TF: variants seen among roughly 807,000 people sequenced by gnomAD.
TF encodes the protein transferrin.
In TF, 55 loss-of-function variants were observed where a neutral mutation model predicts 82.4. The observed-to-expected ratio is 0.67, with a 90% CI of 0.54 to 0.84. The LOEUF (loss-of-function observed/expected upper bound fraction) is 0.84, where lower values mean the gene tolerates loss of function less well. Among genes scored for constraint, TF ranks in the 40% least tolerant of loss-of-function variants. TF has a pLI of 0.00. For missense variants in TF, 737 were observed against 868.4 expected (o/e 0.85, Z 1.90); for synonymous variants, 332 against 332.6 (o/e 1.00, Z 0.02).
chr3:133,677,557 A>T, the TF span, among the ~76,000 whole-genome samples: 4 of 152,150 alleles, frequency 2.6e-5, no homozygotes, highest in African/African-American at 9.7e-5. Context: ...GAATCGCTTG[A>T]ACCCGGGAGG....
At chr3:133,748,126 G>A (rs41298287) in intron 1 of TF, 65 of 484,172 alleles carry the variant, frequency 1.3e-4, no homozygotes, top group Admixed American at 3.3e-4. Flanking sequence ...GAGACAAGGC[G>A]GATACAGAGG....
intron 11 of TF, 64 bp downstream of exon 11, chr3:133,764,971 T>G: frequency 7.0e-6 from 11 of 1,561,464 alleles, no homozygotes; most frequent in African/African-American, 1.4e-5. Flanking sequence ...GGGAATTGGT[T>G]AGATTTAAAA....
rs1357490932 is a variant in TF, at chr3:133,796,236, G to A, written c.*17616G>A. The A allele has an allele frequency of 3.3e-5, 5 of 152,958 alleles. No individual in the cohort carries two copies. The highest frequency in any genetic ancestry group is 1.2e-4 in the African/African-American group (5 of 41,432). The allele number at this position is 152,958 out of a possible 1,614,324, so 9.5% of individuals were successfully genotyped here. ...AGCTACCCTGCCTTCACTAGAAAGA[G>A]CAGAGCAGGACTTCTGTGATCCTCA... On this transcript the variant is annotated 3_prime_UTR_variant, in exon 17 of 17. Coordinates refer to ENST00000402696, the MANE Select transcript of TF (RefSeq NM_001063.4).
At position 133,756,857 on chromosome 3, in the gene TF, G is replaced by T. The variant is rs752118917; in HGVS notation, c.718G>T (p.Asp240Tyr). ...GAACTTGGCAAACAAGGCTGACAGG[G>T]ACCAGTATGAGCTGCTTTGCCTGGA... The part of the protein sequence containing the change: ...FENLANKADR[D>Y]QYELLCLDNT... The change falls in exon 7 of 17, where the codon GAC (aspartate) becomes TAC (tyrosine). Residue 240 changes from aspartate to tyrosine, a missense_variant. By Grantham distance (160) the Asp-to-Tyr change is radical. Transcript: ENST00000402696. 6.2e-7 allele frequency: 1 copy of T among 1,614,184 alleles called. No homozygotes were observed. Among genetic ancestry groups the T allele is most frequent in the East Asian group, 2.2e-5 (1 of 44,886 alleles).
At chr3:133,760,754 T>TG in intron 9 of TF, 1 of 162,104 alleles carries the variant, frequency 6.2e-6, no homozygotes, top group Middle Eastern at 1.8e-3. Flanking sequence ...TTACAGATGT[T>TG]GGGGCAGAAA....
At chr3:133,678,639 G>A in the TF span, among the ~76,000 whole-genome samples, 1 of 152,100 alleles carries the variant, frequency 6.6e-6, no homozygotes, top group Non-Finnish European at 1.5e-5. Flanking sequence ...TCTTAAGTTT[G>A]TTGGCCGCAT....
Position 133,782,771 on chromosome 3 carries a change from C to T in TF, c.*4151C>T, listed in dbSNP as rs1420049388. ...AGGAGTTTGAGACCAGCCTAGGCAA[C>T]ATGACAAAACCCCATCTCTGCAAAA... On this transcript the variant is annotated 3_prime_UTR_variant, in exon 17 of 17. Transcript: ENST00000402696. 1.9e-4 allele frequency: 20 copies of T among 103,126 alleles called. No individual in the cohort carries two copies. Among genetic ancestry groups the T allele is most frequent in the African/African-American group, 7.9e-4 (20 of 25,292 alleles). 6.4% of individuals were successfully genotyped at this position (103,126 alleles called of 1,614,324 possible).
chr3:133,708,893 T>C, the TF span, among the ~76,000 whole-genome samples: 1 of 151,960 alleles, frequency 6.6e-6, no homozygotes, highest in African/African-American at 2.4e-5. Context: ...AATGAAGCAC[T>C]ATTTTAAGCA....
intron 13 of TF, among the ~76,000 whole-genome samples, chr3:133,770,147 C>T (rs1934224310): frequency 6.6e-6 from 1 of 152,184 alleles, no homozygotes; most frequent in Non-Finnish European, 1.5e-5. Context: ...GTTGCCTAGA[C>T]ATTCGCCTTG....
At chr3:133,748,691 C>A in intron 2 of TF, 107 bp downstream of exon 2, 1 of 1,385,736 alleles carries the variant, frequency 7.2e-7, no homozygotes. Context: ...ATATATGGGG[C>A]AGTCAACCTT....
At chr3:133,748,084 TG>T (rs1467009864) in intron 1 of TF, 2 of 392,554 alleles carry the variant, frequency 5.1e-6, no homozygotes, top group Non-Finnish European at 9.6e-6. Context: ...TTATGTTCCA[TG>T]GGGGGCCAGG....
the TF span, chr3:133,700,954 A>G: frequency 6.6e-6 from 1 of 152,620 alleles, no homozygotes; most frequent in African/African-American, 2.4e-5. Flanking sequence ...TCTGCTGTTT[A>G]CTGATGCTGC....
the TF span, among the ~76,000 whole-genome samples, chr3:133,673,928 A>G: frequency 6.6e-6 from 1 of 152,094 alleles, no homozygotes; most frequent in Non-Finnish European, 1.5e-5. Context: ...GGGCGAGGAG[A>G]GGCCGCCCTC....
chr3:133,666,016 G>A, the TF span, among the ~76,000 whole-genome samples: 2 of 151,556 alleles, frequency 1.3e-5, no homozygotes, highest in Non-Finnish European at 2.9e-5. Context: ...AATGTGGGTG[G>A]TGGGAATATG....
At chr3:133,695,491 C>T in the TF span, among the ~76,000 whole-genome samples, 1 of 152,070 alleles carries the variant, frequency 6.6e-6, no homozygotes, top group African/African-American at 2.4e-5. Flanking sequence ...CGTGATCCAC[C>T]CACTTTTGTC....
the TF span, among the ~76,000 whole-genome samples, chr3:133,663,348 T>G: frequency 2.0e-5 from 2 of 100,728 alleles, no homozygotes; most frequent in South Asian, 9.2e-4. Context: ...ATAAATATCA[T>G]TAATTTTTTT....
the TF span, among the ~76,000 whole-genome samples, chr3:133,732,710 T>A: frequency 6.6e-6 from 1 of 152,084 alleles, no homozygotes. Context: ...CGTCTGAACA[T>A]CAGAAGGAAG....
chr3:133,710,698 G>T, the TF span, among the ~76,000 whole-genome samples: 18 of 152,184 alleles, frequency 1.2e-4, no homozygotes, highest in African/African-American at 4.3e-4. Flanking sequence ...TCCCTTCCAT[G>T]GTCTCAACCC....
intron 14 of TF, among the ~76,000 whole-genome samples, chr3:133,771,661 T>C (rs13086490): frequency 0.24 from 33,718 of 141,070 alleles, 3,847 homozygotes; most frequent in Middle Eastern, 0.3. Context: ...GGCGTGAACC[T>C]GGGAAGCGGA....
Sources: allele counts gnomAD v4.1 joint callset (sites outside exome capture counted in the v4.1 genomes callset), GRCh38; gene constraint gnomAD v4.1.1; transcripts MANE v1.5; gene names NCBI Gene and HGNC (gene_info 2026-07-23, HGNC 2026-07-21).